Variants in CSMD1 observed in about 807,000 individuals in gnomAD.
CSMD1 encodes the protein CUB and Sushi multiple domains 1, also known as CUB and sushi domain-containing protein 1.
In CSMD1, 213 loss-of-function variants were observed where a neutral mutation model predicts 417.5. The observed-to-expected ratio is 0.51, with a 90% CI of 0.46 to 0.57. CSMD1 has a LOEUF of 0.57. Among genes scored for constraint, CSMD1 ranks in the 20% least tolerant of loss-of-function variants. CSMD1 has a pLI of 0.00. For synonymous variants in CSMD1, 2,862 were observed against 1,736.8 expected (o/e 1.65, Z -16.11); for missense variants, 6,923 against 4,529.7 (o/e 1.53, Z -15.17).
At chr8:3,128,541 T>C (rs2129024893) in intron 41 of CSMD1, 1 of 266,162 alleles carries the variant, frequency 3.8e-6, no homozygotes, top group African/African-American at 2.3e-5. Flanking sequence ...TAAGCTTAGC[T>C]TCTAAATCTC....
chr8:4,442,391 G>C (rs940499483), intron 2 of CSMD1, among the ~76,000 whole-genome samples: 5 of 152,036 alleles, frequency 3.3e-5, no homozygotes, highest in African/African-American at 1.2e-4. Context: ...CATTAACAAA[G>C]CCTACGTTTC....
At position 2,974,617 on chromosome 8, in the gene CSMD1, C is replaced by G. The variant is rs667595; in HGVS notation, c.8574G>C (p.Ser2858=). The G allele has an allele frequency of 0.81, 1,295,194 of 1,598,762 alleles. 526,250 individuals carry two copies. The highest frequency in any genetic ancestry group is 0.85 in the East Asian group (37,486 of 44,320). ...TGGCAGGGACCCCTGGGTGTCCACA[C>G]GATATAGCTTCAGAAAAAAGATAAA... is the stretch of plus-strand genomic sequence containing the variant. ...DRSLPKCLAI[S]CGHPGVPANA... is the part of the protein sequence containing the mutation. The change falls in exon 56 of 70, where the codon TCG becomes TCC. Residue 2858 remains serine, a synonymous_variant. Transcript: ENST00000635120.
chr8:4,444,327 A>G (rs547768299), intron 2 of CSMD1, among the ~76,000 whole-genome samples: 3 of 132,010 alleles, frequency 2.3e-5, no homozygotes, highest in East Asian at 2.3e-4. Context: ...AGCCTGGGCT[A>G]CAGAGTGAGA....
intron 8 of CSMD1, among the ~76,000 whole-genome samples, chr8:3,604,738 G>C (rs758757051): frequency 3.9e-5 from 6 of 152,100 alleles, no homozygotes; most frequent in East Asian, 1.9e-4. Context: ...TATAACATCA[G>C]TGCCCTTGGA....
chr8:4,651,898 G>A (rs1803920201), intron 1 of CSMD1, among the ~76,000 whole-genome samples: 1 of 152,170 alleles, frequency 6.6e-6, no homozygotes, highest in Non-Finnish European at 1.5e-5. Context: ...AGAGACATTA[G>A]ATTATCTTTC....
chr8:4,875,459 T>A (rs879810530), intron 1 of CSMD1, among the ~76,000 whole-genome samples: 4 of 152,032 alleles, frequency 2.6e-5, no homozygotes, highest in Admixed American at 6.6e-5. Context: ...CTAAAAGCCA[T>A]TTTACATGTT....
chr8:3,427,731 T>C (rs1445902198), intron 12 of CSMD1, among the ~76,000 whole-genome samples: 3 of 152,226 alleles, frequency 2.0e-5, no homozygotes, highest in Non-Finnish European at 4.4e-5. Context: ...TAAAAGTAAC[T>C]ATTTAATTTA....
intron 1 of CSMD1, among the ~76,000 whole-genome samples, chr8:4,766,688 T>G (rs1240794329): frequency 3.9e-5 from 6 of 152,208 alleles, no homozygotes; most frequent in Non-Finnish European, 7.3e-5. Flanking sequence ...CCTGAGGGAA[T>G]GAACTCCGAA....
rs1711743327 is a variant in CSMD1, at chr8:4,631,735, T to A, written c.302+5607A>T. On this transcript the variant is annotated intron_variant, in intron 2 of 69. Transcript: ENST00000635120. ...TTAACAACACTTATTCATGATTTTC[T>A]GATTTTAATGGCCCTATCACATTCA... is the stretch of plus-strand genomic sequence containing the variant. Among the ~76,000 whole-genome samples, 2 of 152,368 alleles carry A rather than the reference T, an allele frequency of 1.3e-5. 1 individual carries two copies. Among genetic ancestry groups the A allele is most frequent in the South Asian group, 4.1e-4 (2 of 4,832 alleles).
At chr8:3,605,137 G>A (rs1010961946) in intron 8 of CSMD1, among the ~76,000 whole-genome samples, 2 of 152,166 alleles carry the variant, frequency 1.3e-5, no homozygotes, top group East Asian at 3.9e-4. Context: ...TGGGACTACA[G>A]GCGCATGCCA....
At chr8:3,877,147 T>C (rs145371930) in intron 5 of CSMD1, among the ~76,000 whole-genome samples, 3 of 152,172 alleles carry the variant, frequency 2.0e-5, no homozygotes, top group African/African-American at 7.2e-5. Context: ...ACTTTCCCCA[T>C]CCCTTCCTCT....
chr8:4,323,118 A>G (rs1799361171), intron 3 of CSMD1, among the ~76,000 whole-genome samples: 1 of 152,244 alleles, frequency 6.6e-6, no homozygotes, highest in South Asian at 2.1e-4. Flanking sequence ...ATGAGACATT[A>G]ATTGGTGGTT....
chr8:3,578,301 C>T (rs1800237221), intron 9 of CSMD1, among the ~76,000 whole-genome samples: 1 of 132,214 alleles, frequency 7.6e-6, no homozygotes, highest in Non-Finnish European at 1.8e-5. Flanking sequence ...CTGAGTAGAT[C>T]CAATGAGTGA....
intron 5 of CSMD1, among the ~76,000 whole-genome samples, chr8:3,926,096 C>T (rs1338139192): frequency 7.4e-5 from 6 of 81,180 alleles, no homozygotes; most frequent in African/African-American, 3.2e-4. Flanking sequence ...CACACACACA[C>T]ACACACACAC....
chr8:4,184,021 G>T (rs1056067200), intron 3 of CSMD1, among the ~76,000 whole-genome samples: 1 of 152,172 alleles, frequency 6.6e-6, no homozygotes, highest in African/African-American at 2.4e-5. Context: ...TACAGTTAAT[G>T]TTTGCTGATA....
chr8:4,749,451 G>C (rs1056894181), intron 1 of CSMD1, among the ~76,000 whole-genome samples: 9 of 152,152 alleles, frequency 5.9e-5, no homozygotes, highest in African/African-American at 2.2e-4. Context: ...ATGGAAATAA[G>C]GTTAAGACCC....
chr8:3,059,452 T>C (rs1812447045), intron 49 of CSMD1, among the ~76,000 whole-genome samples: 1 of 152,118 alleles, frequency 6.6e-6, no homozygotes, highest in African/African-American at 2.4e-5. Context: ...ATGATTGTCA[T>C]GTGGGCTGTT....
intron 1 of CSMD1, among the ~76,000 whole-genome samples, chr8:4,940,937 T>C (rs13277128): frequency 0.5 from 76,322 of 152,012 alleles, 20,370 homozygotes; most frequent in East Asian, 0.79. Context: ...GCAATATTTC[T>C]TTAACAGTTC....
At chr8:4,760,329 G>C (rs911575029) in intron 1 of CSMD1, among the ~76,000 whole-genome samples, 6 of 152,132 alleles carry the variant, frequency 3.9e-5, no homozygotes, top group African/African-American at 1.2e-4. Flanking sequence ...TTCTGTGCTG[G>C]TTTCCTAGTG....
Sources: gnomAD v4.1 joint callset for allele counts (sites outside exome capture counted in the v4.1 genomes callset) on GRCh38, gnomAD v4.1.1 for gene constraint, MANE v1.5 for transcripts, NCBI Gene and HGNC (gene_info 2026-07-23, HGNC 2026-07-21) for gene names.